Variants in LIPA observed in about 807,000 individuals in gnomAD.
LIPA encodes lysosomal acid lipase/cholesteryl ester hydrolase.
In LIPA, 26 loss-of-function variants were observed where a neutral mutation model predicts 40.6. The ratio of observed to expected loss-of-function variants is 0.64; its 90% CI spans 0.47 to 0.89. LIPA has a LOEUF of 0.89. LIPA is among the 40% of genes least tolerant of loss of function. LIPA has a pLI of 0.00. For synonymous variants in LIPA, 188 were observed against 168.4 expected, an observed-to-expected ratio of 1.12 and a Z score of -0.90; for missense variants, 455 against 479.6, an observed-to-expected ratio of 0.95 and a Z score of 0.48.
At chr10:89,306,672 C>A (rs1564781798) in intron 1 of LIPA, 1 of 1,613,960 alleles carries the variant, frequency 6.2e-7, no homozygotes, top group Non-Finnish European at 8.5e-7. Flanking sequence ...GTTGAAGAAG[C>A]CTTGGAGAAA....
At chr10:89,345,932 T>A (rs537100493), upstream of LIPA, among the ~76,000 whole-genome samples, 3 of 152,232 alleles carry the variant, frequency 2.0e-5, no homozygotes, top group African/African-American at 7.2e-5. Context: ...AAAATGCTAA[T>A]CCTCAAATAC....
At chr10:89,233,621 C>T (rs1288935897) in intron 3 of LIPA, among the ~76,000 whole-genome samples, 8 of 152,144 alleles carry the variant, frequency 5.3e-5, no homozygotes, top group Non-Finnish European at 1.0e-4. Context: ...AATGGCAGGC[C>T]GGGCACGGTG....
intron 2 of LIPA, among the ~76,000 whole-genome samples, chr10:89,380,127 G>A (rs933250325): frequency 6.6e-6 from 1 of 152,154 alleles, no homozygotes; most frequent in Admixed American, 6.5e-5. Context: ...TTGGTAGCTA[G>A]TCTATGTGAG....
chr10:89,228,255 A>G lies in LIPA; in HGVS notation c.373T>C (p.Trp125Arg). ...VWMGNSRGNT[W>R]SRKHKTLSVS... ...GAGAGTGTCTTATGTTTCCGAGACC[A>G]GGTATTTCCTCTGCTGTTGCCCATC... is the stretch of plus-strand genomic sequence containing the variant. Residue 125 changes from tryptophan to arginine, a missense_variant, in exon 4 of 10, where the codon TGG becomes CGG. Physicochemically the swap from Trp to Arg is moderately radical, Grantham distance 101. Coordinates refer to ENST00000336233, the MANE Select transcript of LIPA (RefSeq NM_000235.4). 1 of 1,614,196 alleles carries G rather than the reference A, an allele frequency of 6.2e-7. No individual in the cohort carries two copies. The highest frequency in any genetic ancestry group is 8.5e-7 in the Non-Finnish European group (1 of 1,180,028).
chr10:89,247,304 G>C (rs571363848), intron 2 of LIPA, among the ~76,000 whole-genome samples: 1 of 144,972 alleles, frequency 6.9e-6, no homozygotes, highest in Non-Finnish European at 1.5e-5. Context: ...CCCCTGAGGC[G>C]GAGGTCGCAA....
chr10:89,300,901 T>G (rs1359588903), intron 1 of LIPA, among the ~76,000 whole-genome samples: 2 of 152,116 alleles, frequency 1.3e-5, no homozygotes, highest in Non-Finnish European at 2.9e-5. Context: ...GCGAATCACT[T>G]GAACCAGGGA....
At chr10:89,403,307 A>G (rs769794198) in intron 2 of LIPA, 3 of 1,613,970 alleles carry the variant, frequency 1.9e-6, no homozygotes, top group East Asian at 2.2e-5. Context: ...TGGCTCATCT[A>G]GACCTGGCAA....
intron 1 of LIPA, among the ~76,000 whole-genome samples, chr10:89,334,728 T>C (rs1282006204): frequency 2.0e-5 from 3 of 151,460 alleles, no homozygotes; most frequent in Non-Finnish European, 2.9e-5. Context: ...CTTGACCTCA[T>C]GATCCACCCG....
intron 1 of LIPA, among the ~76,000 whole-genome samples, chr10:89,270,200 A>G (rs992830088): frequency 6.6e-6 from 1 of 152,240 alleles, no homozygotes; most frequent in African/African-American, 2.4e-5. Flanking sequence ...GTGTTGGTAA[A>G]GATCAGCTGA....
intron 1 of LIPA, among the ~76,000 whole-genome samples, chr10:89,337,328 G>T (rs11203077): frequency 0.062 from 9,430 of 152,252 alleles, 700 homozygotes; most frequent in African/African-American, 0.18. Flanking sequence ...AAAGAGTCAT[G>T]GGATAGCTAA....
chr10:89,334,528 C>CTTTTTTTTTTTTTT, intron 1 of LIPA, among the ~76,000 whole-genome samples: 1 of 53,900 alleles, frequency 1.9e-5, no homozygotes, highest in Non-Finnish European at 3.4e-5. Context: ...CGGAGTTTTG[C>CTTTTTTTTTTTTTT]TCTTTCGCCC....
intron 1 of LIPA, among the ~76,000 whole-genome samples, chr10:89,286,779 T>A (rs535410814): frequency 6.6e-6 from 1 of 152,354 alleles, no homozygotes; most frequent in Non-Finnish European, 1.5e-5. Context: ...TAGGATTTAA[T>A]TAACCTTGCC....
intron 6 of LIPA, 88 bp from the exon 7 acceptor site, chr10:89,223,918 T>C (rs1842734568): frequency 1.5e-6 from 2 of 1,338,394 alleles, no homozygotes; most frequent in Admixed American, 1.7e-5. Flanking sequence ...CAGAGACAAG[T>C]ACCCAATGTC....
intron 2 of LIPA, among the ~76,000 whole-genome samples, chr10:89,408,161 G>A (rs1369294525): frequency 1.3e-5 from 2 of 152,254 alleles, no homozygotes; most frequent in Non-Finnish European, 2.9e-5. Context: ...AAGCCATTGG[G>A]ACCAATTTGA....
At chr10:89,223,912 G>A in intron 6 of LIPA, 82 bp from the exon 7 acceptor site, 2 of 1,411,644 alleles carry the variant, frequency 1.4e-6, no homozygotes. Flanking sequence ...CAGAAGCAGA[G>A]ACAAGTACCC....
chr10:89,250,679 T>G (rs1379981468), intron 1 of LIPA, among the ~76,000 whole-genome samples: 1 of 152,226 alleles, frequency 6.6e-6, no homozygotes, highest in Admixed American at 6.5e-5. Flanking sequence ...AGAACCTGTA[T>G]CAACCGCCCA....
At chr10:89,289,861 T>G (rs951068346) in intron 1 of LIPA, among the ~76,000 whole-genome samples, 1 of 152,144 alleles carries the variant, frequency 6.6e-6, no homozygotes, top group African/African-American at 2.4e-5. Flanking sequence ...TCTCCCCAGC[T>G]ATCTCCACCA....
At chr10:89,247,698 A>G in intron 1 of LIPA, 49 bp from the exon 2 acceptor site, 1 of 1,334,790 alleles carries the variant, frequency 7.5e-7, no homozygotes, top group Non-Finnish European at 1.1e-6. Context: ...TTACTACACA[A>G]AAATATTCTG....
At chr10:89,310,731 G>A (rs1296184313) in intron 1 of LIPA, among the ~76,000 whole-genome samples, 1 of 152,158 alleles carries the variant, frequency 6.6e-6, no homozygotes, top group Non-Finnish European at 1.5e-5. Context: ...GACTAGAGAA[G>A]AGACCAGAGG....
Sources: allele counts gnomAD v4.1 joint callset (sites outside exome capture counted in the v4.1 genomes callset), GRCh38; gene constraint gnomAD v4.1.1; transcripts MANE v1.5; gene names NCBI Gene and HGNC (gene_info 2026-07-23, HGNC 2026-07-21).